The following SCGN variants were observed in gnomAD, a reference collection of about 807,000 sequenced individuals.
The protein encoded by SCGN is secretagogin, EF-hand calcium binding protein.
A neutral mutation model predicts 39.7 loss-of-function variants in SCGN; 30 were observed. That is an observed-to-expected ratio of 0.76 (90% CI 0.57 to 1.03). SCGN has a LOEUF of 1.03. SCGN is among the 50% of genes least tolerant of loss of function. The probability of loss-of-function intolerance (pLI) is 0.00; values close to 1 mark genes in which losing one functional copy is unlikely to be tolerated. For missense variants in SCGN, 353 were observed against 349.4 expected, an observed-to-expected ratio of 1.01 and a Z score of -0.08; for synonymous variants, 106 against 114.1, an observed-to-expected ratio of 0.93 and a Z score of 0.45.
In SCGN at chr6:25,652,272, C is replaced by A. The variant is rs11556645; in HGVS notation, c.-132C>A. 1.5e-5 allele frequency: 11 copies of A among 739,864 alleles called. No homozygotes were observed. Among genetic ancestry groups the A allele is most frequent in the Admixed American group, 2.1e-5 (1 of 47,018 alleles). The allele number at this position is 739,864 out of a possible 1,614,324, so 45.8% of individuals were successfully genotyped here. On this transcript the variant is annotated 5_prime_UTR_variant, in exon 1 of 11. Transcript: ENST00000377961. ...CGGCCAGCAGCGCTCGCGTCCTCCCCAGCAACAGTTACTCAAAGCTAATCA... is the reference window on the plus strand; with the variant it reads ...CGGCCAGCAGCGCTCGCGTCCTCCCAAGCAACAGTTACTCAAAGCTAATCA...
At chr6:25,693,518 T>C (rs992472200) in intron 10 of SCGN, among the ~76,000 whole-genome samples, 1 of 139,048 alleles carries the variant, frequency 7.2e-6, no homozygotes, top group African/African-American at 2.7e-5. Context: ...TTTCTGAGAA[T>C]AGTTAGCATT....
At chr6:25,672,603 G>C (rs1759515707) in intron 6 of SCGN, among the ~76,000 whole-genome samples, 1 of 152,218 alleles carries the variant, frequency 6.6e-6, no homozygotes, top group Non-Finnish European at 1.5e-5. Context: ...AGCATGGCTG[G>C]AGCAGAGCAA....
intron 10 of SCGN, 69 bp from the exon 11 acceptor site, chr6:25,701,138 C>G (rs1759906353): frequency 2.0e-6 from 3 of 1,533,132 alleles, no homozygotes; most frequent in Non-Finnish European, 2.6e-6. Flanking sequence ...TAGGGAGCAT[C>G]AGAGAGGGTG....
intron 9 of SCGN, 68 bp downstream of exon 9, chr6:25,689,600 G>C: frequency 7.6e-7 from 1 of 1,321,810 alleles, no homozygotes; most frequent in Non-Finnish European, 1.1e-6. Context: ...CCTATGTGGA[G>C]CCATCTTACC....
intron 10 of SCGN, among the ~76,000 whole-genome samples, chr6:25,699,405 A>T (rs774410194): frequency 6.6e-6 from 1 of 151,932 alleles, no homozygotes; most frequent in Non-Finnish European, 1.5e-5. Flanking sequence ...CCTGGCCAAC[A>T]TGGTGAAACC....
intron 4 of SCGN, among the ~76,000 whole-genome samples, chr6:25,668,594 G>C (rs1207794045): frequency 6.6e-6 from 1 of 152,144 alleles, no homozygotes; most frequent in Non-Finnish European, 1.5e-5. Context: ...TTTAAAGCAG[G>C]CACCTCAATC....
intron 7 of SCGN, among the ~76,000 whole-genome samples, chr6:25,685,366 C>T (rs1582585681): frequency 6.6e-6 from 1 of 152,174 alleles, no homozygotes; most frequent in African/African-American, 2.4e-5. Flanking sequence ...AGTTCAATTC[C>T]TCTACATAAA....
At chr6:25,681,596 AT>A (rs1223315631) in intron 6 of SCGN, among the ~76,000 whole-genome samples, 1 of 152,176 alleles carries the variant, frequency 6.6e-6, no homozygotes, top group Admixed American at 6.5e-5. Flanking sequence ...ATTATTTATT[AT>A]TCTTTCTTTC....
chr6:25,700,871 G>C (rs1241913287), intron 10 of SCGN, among the ~76,000 whole-genome samples: 1 of 152,116 alleles, frequency 6.6e-6, no homozygotes, highest in Non-Finnish European at 1.5e-5. Flanking sequence ...CATCAGTGCA[G>C]CAAGGCAGAA....
intron 7 of SCGN, 22 bp from the exon 8 acceptor site, chr6:25,689,150 A>ATTTTTTTTTTT: frequency 1.6e-6 from 2 of 1,271,532 alleles, no homozygotes; most frequent in South Asian, 1.4e-5. Flanking sequence ...CCTTACGTGG[A>ATTTTTTTTTTT]TTTTTTTTTT....
At chr6:25,656,956 A>T (rs976387381) in intron 2 of SCGN, among the ~76,000 whole-genome samples, 2 of 152,218 alleles carry the variant, frequency 1.3e-5, no homozygotes, top group Admixed American at 6.5e-5. Context: ...TGTTCCAGAG[A>T]TAAAGAAATG....
At chr6:25,682,102 C>G (rs1043890823) in intron 7 of SCGN, 96 bp downstream of exon 7, 2 of 879,454 alleles carry the variant, frequency 2.3e-6, no homozygotes, top group African/African-American at 3.3e-5. Context: ...GATCAAGCCT[C>G]ACCTGGAGTC....
chr6:25,692,881 C>T (rs145765203), intron 10 of SCGN, among the ~76,000 whole-genome samples: 13 of 152,184 alleles, frequency 8.5e-5, no homozygotes, highest in Non-Finnish European at 1.5e-4. Flanking sequence ...ATGAAAAGAA[C>T]TGATTGGAAT....
At chr6:25,700,258 A>T (rs1759893754) in intron 10 of SCGN, among the ~76,000 whole-genome samples, 1 of 151,538 alleles carries the variant, frequency 6.6e-6, no homozygotes, top group African/African-American at 2.4e-5. Context: ...AAAAAAAAAA[A>T]AAAATTTTGG....
At chr6:25,670,381 G>A (rs1182159842) in intron 6 of SCGN, among the ~76,000 whole-genome samples, 1 of 152,168 alleles carries the variant, frequency 6.6e-6, no homozygotes, top group Non-Finnish European at 1.5e-5. Context: ...AAGTCACATG[G>A]AAACAAGTAA....
chr6:25,660,407 A>G (rs1760316548), intron 2 of SCGN, among the ~76,000 whole-genome samples: 1 of 152,136 alleles, frequency 6.6e-6, no homozygotes, highest in Non-Finnish European at 1.5e-5. Context: ...CTATAATATC[A>G]CCAGGGGCCA....
intron 7 of SCGN, among the ~76,000 whole-genome samples, chr6:25,685,905 C>G (rs1759700372): frequency 6.6e-6 from 1 of 152,144 alleles, no homozygotes; most frequent in Non-Finnish European, 1.5e-5. Flanking sequence ...CTCCTCTCTT[C>G]CTCCTCCCAC....
intron 6 of SCGN, among the ~76,000 whole-genome samples, chr6:25,673,532 C>G (rs138275548): frequency 1.3e-3 from 202 of 152,244 alleles, no homozygotes; most frequent in African/African-American, 4.6e-3. Flanking sequence ...AGCCTAGATT[C>G]GTAAGTCTAG....
At chr6:25,681,848 T>G (rs1483100588) in intron 6 of SCGN, 103 bp from the exon 7 acceptor site, 3 of 949,170 alleles carry the variant, frequency 3.2e-6, no homozygotes, top group Non-Finnish European at 5.0e-6. Flanking sequence ...CTCAGCCAAT[T>G]TAGGCAAATA....
Sources: allele counts gnomAD v4.1 joint callset (sites outside exome capture counted in the v4.1 genomes callset), GRCh38; gene constraint gnomAD v4.1.1; transcripts MANE v1.5; gene names NCBI Gene and HGNC (gene_info 2026-07-23, HGNC 2026-07-21).